The following TAFA5 variants were observed in gnomAD, a reference collection of about 807,000 sequenced individuals.
The protein encoded by TAFA5 is TAFA chemokine like family member 5.
TAFA5 carries 6 observed loss-of-function variants against 15.3 expected under a neutral mutation model. The observed-to-expected ratio is 0.39, with a 90% CI of 0.21 to 0.77. The LOEUF (loss-of-function observed/expected upper bound fraction) is 0.77. TAFA5 is among the 30% of genes least tolerant of loss of function. TAFA5 has a pLI of 0.41. For synonymous variants in TAFA5, 103 were observed against 80.7 expected (o/e 1.28, Z -1.48); for missense variants, 161 against 193.1 (o/e 0.83, Z 0.98).
intron 3 of TAFA5, among the ~76,000 whole-genome samples, chr22:48,732,209 G>C (rs1487553805): frequency 6.6e-6 from 1 of 152,108 alleles, no homozygotes; most frequent in African/African-American, 2.4e-5. Context: ...TGAACGGATG[G>C]GGAGGTACTT....
At chr22:48,615,979 G>T (rs375422204) in intron 1 of TAFA5, among the ~76,000 whole-genome samples, 2 of 152,304 alleles carry the variant, frequency 1.3e-5, no homozygotes, top group East Asian at 1.9e-4. Context: ...TGGAGGCTGT[G>T]AAGAGCTGAA....
chr22:48,650,279 G>A (rs1927007176), intron 2 of TAFA5, among the ~76,000 whole-genome samples: 1 of 152,158 alleles, frequency 6.6e-6, no homozygotes, highest in Admixed American at 6.5e-5. Context: ...GCCTGACTGT[G>A]CTCACTTGTC....
In TAFA5 at chr22:48,571,530, C is replaced by G. The variant is rs373324969; in HGVS notation, c.113-75067C>G. On this transcript the variant is annotated intron_variant, in intron 1 of 3. Transcript: ENST00000402357. The stretch of plus-strand genomic sequence containing the variant: ...CCTCGTGATCTGCCTGCCTTGGCCT[C>G]CCAAAGTGCTGGGATTACAGGCATG... Among the ~76,000 whole-genome samples, 241 of 146,914 alleles carry G rather than the reference C, an allele frequency of 1.6e-3. 1 individual carries two copies. Among genetic ancestry groups the G allele is most frequent in the African/African-American group, 5.8e-3 (232 of 39,962 alleles).
At chr22:48,609,793 G>A (rs897847604) in intron 1 of TAFA5, among the ~76,000 whole-genome samples, 3 of 152,168 alleles carry the variant, frequency 2.0e-5, no homozygotes, top group Admixed American at 2.0e-4. Flanking sequence ...GGTCTTGGGG[G>A]AGAAGCTGCT....
chr22:48,670,815 C>G (rs538212436), intron 2 of TAFA5, among the ~76,000 whole-genome samples: 4 of 152,310 alleles, frequency 2.6e-5, no homozygotes, highest in South Asian at 2.1e-4. Flanking sequence ...CATCAGGAGC[C>G]GTGGCTTACT....
At chr22:48,622,717 G>A (rs1442501059) in intron 1 of TAFA5, among the ~76,000 whole-genome samples, 1 of 152,256 alleles carries the variant, frequency 6.6e-6, no homozygotes, top group Non-Finnish European at 1.5e-5. Context: ...ATTCCCGGAG[G>A]AGGTGGTATC....
intron 1 of TAFA5, among the ~76,000 whole-genome samples, chr22:48,594,623 C>T (rs28621697): frequency 0.075 from 11,360 of 152,302 alleles, 742 homozygotes; most frequent in East Asian, 0.22. Flanking sequence ...CCAGCCATCT[C>T]TGCATCCTGC....
intron 1 of TAFA5, among the ~76,000 whole-genome samples, chr22:48,501,381 G>A (rs980799689): frequency 2.0e-5 from 3 of 152,244 alleles, no homozygotes; most frequent in South Asian, 2.1e-4. Flanking sequence ...CCGCCCTCGC[G>A]TCTGGGCGTT....
chr22:48,495,303 C>T (rs554985291), intron 1 of TAFA5, among the ~76,000 whole-genome samples: 8 of 152,190 alleles, frequency 5.3e-5, no homozygotes, highest in Admixed American at 2.6e-4. Context: ...ATGCGCCAAG[C>T]CCCGGGGGCA....
At chr22:48,733,677 A>T (rs145541759) in intron 3 of TAFA5, among the ~76,000 whole-genome samples, 20 of 152,206 alleles carry the variant, frequency 1.3e-4, no homozygotes, top group African/African-American at 4.8e-4. Flanking sequence ...CTTGTATCCA[A>T]TGTTAAAGTT....
At chr22:48,731,956 G>A (rs546066641) in intron 3 of TAFA5, among the ~76,000 whole-genome samples, 1 of 152,316 alleles carries the variant, frequency 6.6e-6, no homozygotes, top group East Asian at 1.9e-4. Context: ...TGCAAACCTT[G>A]TGGAGAGGAT....
intron 3 of TAFA5, 41 bp from the exon 4 acceptor site, chr22:48,749,798 G>C (rs367559522): frequency 2.6e-6 from 4 of 1,558,340 alleles, no homozygotes; most frequent in Non-Finnish European, 3.5e-6. Context: ...CCTGGGCAGC[G>C]TCTGCAGGAG....
chr22:48,573,373 A>G (rs1314160038), intron 1 of TAFA5, among the ~76,000 whole-genome samples: 1 of 152,116 alleles, frequency 6.6e-6, no homozygotes, highest in East Asian at 1.9e-4. Context: ...TGGTTTCAGT[A>G]TTTGTAAAGG....
At chr22:48,497,030 G>T (rs1928351516) in intron 1 of TAFA5, among the ~76,000 whole-genome samples, 1 of 152,198 alleles carries the variant, frequency 6.6e-6, no homozygotes, top group African/African-American at 2.4e-5. Flanking sequence ...GGGGAGCGGT[G>T]GGGCTGGTCC....
chr22:48,684,141 C>T (rs1208403826), intron 2 of TAFA5, among the ~76,000 whole-genome samples: 3 of 152,130 alleles, frequency 2.0e-5, no homozygotes, highest in African/African-American at 7.2e-5. Context: ...ACCTGAATTC[C>T]AGGCAATGGT....
chr22:48,522,714 G>T (rs977298230), intron 1 of TAFA5, among the ~76,000 whole-genome samples: 1 of 152,204 alleles, frequency 6.6e-6, no homozygotes, highest in Non-Finnish European at 1.5e-5. Context: ...GGCCTGCCTG[G>T]GGTTTTGTGG....
intron 2 of TAFA5, among the ~76,000 whole-genome samples, chr22:48,658,049 T>G (rs1927307584): frequency 6.6e-6 from 1 of 152,180 alleles, no homozygotes; most frequent in Admixed American, 6.5e-5. Flanking sequence ...GGAAATTCTC[T>G]CCAGGAAGCC....
At position 48,596,872 on chromosome 22, in the gene TAFA5, G is replaced by A. The variant is rs768419813; in HGVS notation, c.113-49725G>A. On this transcript the variant is annotated intron_variant, in intron 1 of 3. Coordinates refer to ENST00000402357, the MANE Select transcript of TAFA5 (RefSeq NM_001082967.3). Reference sequence around the variant, plus strand: ...CACCCAAGCTGGAGTGCAGTGGTGCGACCTCAGCTCACTGCAGCCTTCACC... The same window carrying A: ...CACCCAAGCTGGAGTGCAGTGGTGCAACCTCAGCTCACTGCAGCCTTCACC... Among the ~76,000 whole-genome samples, 31 of 152,252 alleles carry A rather than the reference G, an allele frequency of 2.0e-4. 3 individuals carry two copies. Among genetic ancestry groups the A allele is most frequent in the Admixed American group, 1.5e-3 (23 of 15,294 alleles).
At chr22:48,545,188 C>T (rs985824170) in intron 1 of TAFA5, 2 of 312,418 alleles carry the variant, frequency 6.4e-6, no homozygotes, top group South Asian at 2.9e-5. Context: ...CTGCCCTCCC[C>T]TCAGTCTTTC....
Sources: gnomAD v4.1 joint callset for allele counts (sites outside exome capture counted in the v4.1 genomes callset) on GRCh38, gnomAD v4.1.1 for gene constraint, MANE v1.5 for transcripts, NCBI Gene and HGNC (gene_info 2026-07-23, HGNC 2026-07-21) for gene names.